The following TMEM178B variants were observed in gnomAD, a reference collection of about 807,000 sequenced individuals.
TMEM178B encodes transmembrane protein 178B.
A neutral mutation model predicts 31.0 loss-of-function variants in TMEM178B; 5 were observed. The ratio of observed to expected loss-of-function variants is 0.16; its 90% CI spans 0.08 to 0.34. The LOEUF is 0.34. Among genes scored for constraint, TMEM178B ranks in the 10% least tolerant of loss-of-function variants. The probability of loss-of-function intolerance (pLI) is 1.00; values close to 1 mark genes in which losing one functional copy is unlikely to be tolerated. For missense variants in TMEM178B, 275 were observed against 400.3 expected, an observed-to-expected ratio of 0.69 and a Z score of 2.67; for synonymous variants, 164 against 164.0, an observed-to-expected ratio of 1.00 and a Z score of 0.00.
At chr7:141,490,867 C>T in the TMEM178B span, among the ~76,000 whole-genome samples, 3 of 152,304 alleles carry the variant, frequency 2.0e-5, no homozygotes, top group Non-Finnish European at 4.4e-5. Flanking sequence ...CTCACCATGT[C>T]TCTATGCAGA....
At chr7:141,405,769 A>G (rs1469322365) in intron 2 of TMEM178B, among the ~76,000 whole-genome samples, 1 of 152,144 alleles carries the variant, frequency 6.6e-6, no homozygotes, top group Non-Finnish European at 1.5e-5. Context: ...GGCCTTGAAA[A>G]TGTCAGTGGG....
chr7:141,318,333 C>G lies in TMEM178B; in HGVS notation c.496+105629C>G, dbSNP rs900480990. On this transcript the variant is annotated intron_variant, in intron 2 of 3. Coordinates refer to ENST00000565468, the MANE Select transcript of TMEM178B (RefSeq NM_001195278.2). The surrounding 1 kb of genome is among the most constrained non-coding windows in gnomAD (Gnocchi z 4.1). ...CATTTTGAGAGTGGGAATGGGGCTG[C>G]GAAATCAATAATTGGGTGTTTTAAT... 6.6e-6 allele frequency among the ~76,000 whole-genome samples: 1 copy of G among 152,098 alleles called. No homozygotes were observed. The highest frequency in any genetic ancestry group is 1.5e-5 in the Non-Finnish European group (1 of 68,024).
chr7:141,411,362 A>G (rs1484440068), intron 2 of TMEM178B, among the ~76,000 whole-genome samples: 2 of 152,200 alleles, frequency 1.3e-5, no homozygotes, highest in Non-Finnish European at 2.9e-5. Context: ...GTTGCGCAAC[A>G]GTATGAATGT....
At chr7:141,290,587 A>G (rs1439508263) in intron 2 of TMEM178B, among the ~76,000 whole-genome samples, 1 of 152,210 alleles carries the variant, frequency 6.6e-6, no homozygotes, top group African/African-American at 2.4e-5. Flanking sequence ...GTGCATGCAC[A>G]TGTAAACACA....
At chr7:141,448,234 A>C (rs1244292504) in intron 3 of TMEM178B, among the ~76,000 whole-genome samples, 3 of 152,114 alleles carry the variant, frequency 2.0e-5, no homozygotes, top group Admixed American at 6.5e-5. Context: ...ATAAGAGAGA[A>C]TGTACCTTGA....
At chr7:141,288,727 T>C (rs1288468716) in intron 2 of TMEM178B, among the ~76,000 whole-genome samples, 2 of 152,196 alleles carry the variant, frequency 1.3e-5, no homozygotes, top group Non-Finnish European at 2.9e-5. Flanking sequence ...CGAAGAGCCG[T>C]TCCCACACAG....
chr7:141,404,076 C>T (rs1253005175), intron 2 of TMEM178B, among the ~76,000 whole-genome samples: 9 of 152,136 alleles, frequency 5.9e-5, no homozygotes, highest in African/African-American at 1.9e-4. Flanking sequence ...GGGGCCGAGA[C>T]GGGCGGATCA....
chr7:141,101,961 T>C (rs1478994223), intron 1 of TMEM178B, among the ~76,000 whole-genome samples: 2 of 151,790 alleles, frequency 1.3e-5, no homozygotes, highest in Non-Finnish European at 1.5e-5. Flanking sequence ...GCTCATACTG[T>C]ATGCTTAGTT....
intron 2 of TMEM178B, among the ~76,000 whole-genome samples, chr7:141,292,459 C>T (rs992343335): frequency 2.6e-5 from 4 of 152,062 alleles, no homozygotes; most frequent in Non-Finnish European, 5.9e-5. Flanking sequence ...AATGAGCTTG[C>T]CCTTGCAAGC....
chr7:141,490,964 T>C, the TMEM178B span, among the ~76,000 whole-genome samples: 1 of 152,252 alleles, frequency 6.6e-6, no homozygotes, highest in Non-Finnish European at 1.5e-5. Flanking sequence ...AGCTGGTATG[T>C]AGCAAACCTA....
chr7:141,204,479 G>T (rs185813613), intron 1 of TMEM178B, among the ~76,000 whole-genome samples: 11 of 152,292 alleles, frequency 7.2e-5, no homozygotes, highest in African/African-American at 2.6e-4. Context: ...TCCCAGGAGC[G>T]TCCACTGCAG....
intron 2 of TMEM178B, among the ~76,000 whole-genome samples, chr7:141,266,252 C>T (rs1233904262): frequency 6.6e-6 from 1 of 152,208 alleles, no homozygotes; most frequent in East Asian, 1.9e-4. Flanking sequence ...TTGCATTCAT[C>T]TTCCAGGTGC....
intron 1 of TMEM178B, among the ~76,000 whole-genome samples, chr7:141,154,924 C>A (rs1477580212): frequency 3.9e-5 from 6 of 152,050 alleles, no homozygotes; most frequent in Non-Finnish European, 8.8e-5. Context: ...TGGTGGGGAT[C>A]TCACCATATT....
At chr7:141,424,756 C>T (rs954925210) in intron 2 of TMEM178B, among the ~76,000 whole-genome samples, 5 of 152,278 alleles carry the variant, frequency 3.3e-5, no homozygotes, top group East Asian at 3.9e-4. Context: ...GAGATACACC[C>T]GCAGTACTCA....
intron 2 of TMEM178B, among the ~76,000 whole-genome samples, chr7:141,312,404 C>G (rs1259879753): frequency 6.6e-6 from 1 of 152,164 alleles, no homozygotes; most frequent in Non-Finnish European, 1.5e-5. Context: ...CAGTGAGAAA[C>G]TTGAGTAATC....
At chr7:141,421,873 A>G (rs1329759012) in intron 2 of TMEM178B, among the ~76,000 whole-genome samples, 2 of 151,388 alleles carry the variant, frequency 1.3e-5, no homozygotes, top group Non-Finnish European at 2.9e-5. Context: ...TTTTAAGCCC[A>G]TCCTTTCTGA....
At chr7:141,166,361 G>T (rs115869879) in intron 1 of TMEM178B, among the ~76,000 whole-genome samples, 2 of 152,154 alleles carry the variant, frequency 1.3e-5, no homozygotes, top group East Asian at 3.9e-4. Context: ...CCTCTGTGTC[G>T]GAATCCCAAT....
rs376737315 is a variant in TMEM178B, at chr7:141,200,981, G to A, written c.383-11610G>A. On this transcript the variant is annotated intron_variant, in intron 1 of 3. Transcript: ENST00000565468. ...AGCATGTGGGACTAATTGCTAATTT[G>A]TAGAATGACAGAATCACGATCCAAA... is the stretch of plus-strand genomic sequence containing the variant. 3.3e-5 allele frequency among the ~76,000 whole-genome samples: 5 copies of A among 152,274 alleles called. No homozygotes were observed. In the East Asian group the frequency reaches 7.7e-4, roughly 23 times the overall value.
chr7:141,086,619 G>T (rs1459139646), intron 1 of TMEM178B, among the ~76,000 whole-genome samples: 1 of 152,130 alleles, frequency 6.6e-6, no homozygotes, highest in Non-Finnish European at 1.5e-5. Context: ...ATGAAGGATG[G>T]TATTTACTTT....
Sources: gnomAD v4.1 joint callset for allele counts (sites outside exome capture counted in the v4.1 genomes callset) on GRCh38, gnomAD v4.1.1 for gene constraint, Gnocchi (gnomAD v3.1) non-coding constraint, MANE v1.5 for transcripts, NCBI Gene and HGNC (gene_info 2026-07-23, HGNC 2026-07-21) for gene names.